Variants in MINPP1 observed in about 807,000 individuals in gnomAD.
MINPP1 encodes multiple inositol polyphosphate phosphatase 1.
A neutral mutation model predicts 46.1 loss-of-function variants in MINPP1; 28 were observed. That is an observed-to-expected ratio of 0.61 (90% CI 0.45 to 0.83). MINPP1 has a LOEUF of 0.83. Ranked by LOEUF, MINPP1 falls within the 40% of genes least tolerant of loss-of-function variation. MINPP1 has a pLI of 0.00. For synonymous variants in MINPP1, 268 were observed against 249.1 expected (o/e 1.08, Z -0.72); for missense variants, 603 against 610.0 (o/e 0.99, Z 0.12).
intron 1 of MINPP1, chr10:87,507,993 T>C (rs1171192116): frequency 7.9e-6 from 11 of 1,393,350 alleles, no homozygotes; most frequent in Non-Finnish European, 9.2e-6. Context: ...ACCTTGTAAG[T>C]AGAAACTTTG....
At chr10:87,540,504 CA>C (rs1851800432) in intron 4 of MINPP1, among the ~76,000 whole-genome samples, 1 of 150,388 alleles carries the variant, frequency 6.6e-6, no homozygotes, top group African/African-American at 2.5e-5. Context: ...GTCACACACA[CA>C]CACACACACA....
chr10:87,551,412 CA>C (rs1851960980), intron 4 of MINPP1, among the ~76,000 whole-genome samples: 1 of 150,890 alleles, frequency 6.6e-6, no homozygotes, highest in Non-Finnish European at 1.5e-5. Flanking sequence ...AATTCTTTAC[CA>C]GAAAAAAAAA....
chr10:87,552,054 C>G (rs779464560), intron 4 of MINPP1, 28 bp from the exon 5 acceptor site: 45 of 1,569,388 alleles, frequency 2.9e-5, no homozygotes, highest in Non-Finnish European at 3.8e-5. Context: ...ATATATATAC[C>G]TTATTTTCTC....
rs1851286246 is a variant in MINPP1 at position 87,508,404 on chromosome 10, T to C, written c.706T>C (p.Leu236=). 4 of 1,613,540 alleles carry C rather than the reference T, an allele frequency of 2.5e-6. No homozygotes were observed. The highest frequency in any genetic ancestry group is 3.4e-6 in the Non-Finnish European group (4 of 1,179,798). ...ATTTTTTGATCACTGTGAGAAGTTT[T>C]TAACTGAAGTAGAAAAAAATGCTAC... is the stretch of plus-strand genomic sequence containing the variant. ...MRFFDHCEKF[L]TEVEKNATAL... The change falls in exon 2 of 5, where the codon TTA becomes CTA. Residue 236 remains leucine, a synonymous_variant. Coordinates refer to ENST00000371996, the MANE Select transcript of MINPP1 (RefSeq NM_004897.5).
chr10:87,551,819 T>C (rs1322092966), intron 4 of MINPP1, among the ~76,000 whole-genome samples: 1 of 152,106 alleles, frequency 6.6e-6, no homozygotes. Context: ...TCTTTAAACT[T>C]AAAGGAAAAT....
chr10:87,526,700 C>T (rs2131821278), intron 4 of MINPP1, among the ~76,000 whole-genome samples: 1 of 152,148 alleles, frequency 6.6e-6, no homozygotes, highest in East Asian at 1.9e-4. Flanking sequence ...AAGTCTTTAA[C>T]CCATCTTGAA....
intron 4 of MINPP1, among the ~76,000 whole-genome samples, chr10:87,542,555 C>T (rs1396725654): frequency 2.6e-5 from 4 of 152,182 alleles, no homozygotes; most frequent in Admixed American, 2.0e-4. Context: ...CCACCTCAGC[C>T]TCCCAAAGTG....
intron 4 of MINPP1, among the ~76,000 whole-genome samples, chr10:87,529,150 T>C (rs1360698881): frequency 2.6e-5 from 4 of 152,260 alleles, no homozygotes; most frequent in Admixed American, 2.0e-4. Context: ...TGATGGGTCT[T>C]GACTCTTTAT....
At chr10:87,544,073 A>G (rs1235307710) in intron 4 of MINPP1, among the ~76,000 whole-genome samples, 5 of 152,184 alleles carry the variant, frequency 3.3e-5, no homozygotes, top group Admixed American at 6.6e-5. Flanking sequence ...TGAGGACTCA[A>G]TCCCCAAGAT....
chr10:87,536,439 G>A (rs1851736370), intron 4 of MINPP1, among the ~76,000 whole-genome samples: 1 of 151,974 alleles, frequency 6.6e-6, no homozygotes, highest in Non-Finnish European at 1.5e-5. Context: ...CATGTAAACT[G>A]TACATATTTA....
At chr10:87,534,890 C>T (rs975007330) in intron 4 of MINPP1, among the ~76,000 whole-genome samples, 4 of 152,118 alleles carry the variant, frequency 2.6e-5, no homozygotes, top group Non-Finnish European at 4.4e-5. Flanking sequence ...TTTCATGGCT[C>T]CATAACTAAA....
chr10:87,511,505 G>T (rs78777300), intron 2 of MINPP1, among the ~76,000 whole-genome samples: 1 of 152,036 alleles, frequency 6.6e-6, no homozygotes, highest in Non-Finnish European at 1.5e-5. Flanking sequence ...TATTTTTGAG[G>T]TTCTGAAAGA....
chr10:87,519,454 G>A (rs1263331871), intron 3 of MINPP1, among the ~76,000 whole-genome samples: 2 of 152,132 alleles, frequency 1.3e-5, no homozygotes, highest in African/African-American at 4.8e-5. Flanking sequence ...CCCGTTCAAG[G>A]CGTTCATGTA....
intron 4 of MINPP1, among the ~76,000 whole-genome samples, chr10:87,536,279 GAATT>G (rs1851734242): frequency 6.6e-6 from 1 of 152,134 alleles, no homozygotes. Context: ...TACTGAGAGA[GAATT>G]AATTTGAACT....
intron 3 of MINPP1, among the ~76,000 whole-genome samples, chr10:87,516,642 A>C (rs992596282): frequency 9.6e-6 from 1 of 104,146 alleles, no homozygotes; most frequent in Admixed American, 9.0e-5. Flanking sequence ...GCTTTTTTGC[A>C]ATTTGTGTCT....
At chr10:87,519,476 C>T (rs1234464274) in intron 3 of MINPP1, among the ~76,000 whole-genome samples, 1 of 152,170 alleles carries the variant, frequency 6.6e-6, no homozygotes, top group Non-Finnish European at 1.5e-5. Context: ...TATGTCATTT[C>T]CTTCAATTTA....
intron 4 of MINPP1, among the ~76,000 whole-genome samples, chr10:87,533,243 G>A (rs1469834832): frequency 6.6e-6 from 1 of 151,274 alleles, no homozygotes; most frequent in African/African-American, 2.4e-5. Context: ...AATTTTGATA[G>A]CATGGTTTTA....
chr10:87,546,220 A>G (rs1851884385), intron 4 of MINPP1, among the ~76,000 whole-genome samples: 2 of 152,180 alleles, frequency 1.3e-5, no homozygotes, highest in African/African-American at 2.4e-5. Flanking sequence ...AGGGTAGGGA[A>G]TTGTCAGGAC....
At chr10:87,522,930 G>C (rs1303823092) in intron 4 of MINPP1, among the ~76,000 whole-genome samples, 2 of 152,134 alleles carry the variant, frequency 1.3e-5, no homozygotes, top group African/African-American at 4.8e-5. Flanking sequence ...ACAATCCTTT[G>C]TTGTCATTTC....
Sources: gnomAD v4.1 joint callset for allele counts (sites outside exome capture counted in the v4.1 genomes callset) on GRCh38, gnomAD v4.1.1 for gene constraint, MANE v1.5 for transcripts, NCBI Gene and HGNC (gene_info 2026-07-23, HGNC 2026-07-21) for gene names.